Variants in WASF3 observed in about 807,000 individuals in gnomAD.
WASF3 encodes actin-binding protein WASF3.
A neutral mutation model predicts 46.6 loss-of-function variants in WASF3; 11 were observed. The ratio of observed to expected loss-of-function variants is 0.24; its 90% confidence interval spans 0.15 to 0.39. WASF3 has a LOEUF of 0.39. Ranked by LOEUF, WASF3 falls within the 10% of genes least tolerant of loss-of-function variation. WASF3 has a pLI of 1.00. For synonymous variants in WASF3, 242 were observed against 259.7 expected (o/e 0.93, Z 0.65); for missense variants, 576 against 669.8 (o/e 0.86, Z 1.55).
chr13:26,662,346 T>C (rs1882654549), intron 3 of WASF3, among the ~76,000 whole-genome samples: 1 of 152,208 alleles, frequency 6.6e-6, no homozygotes, highest in Non-Finnish European at 1.5e-5. Flanking sequence ...AAAAGACACA[T>C]GCACTTGTAT....
chr13:26,602,008 C>T (rs540857662), intron 1 of WASF3, among the ~76,000 whole-genome samples: 1 of 152,280 alleles, frequency 6.6e-6, no homozygotes, highest in Non-Finnish European at 1.5e-5. Flanking sequence ...TTATTAAATG[C>T]CTCTGCTACC....
At chr13:26,640,748 G>A (rs374374359) in intron 2 of WASF3, 9 of 152,208 alleles carry the variant, frequency 5.9e-5, no homozygotes, top group African/African-American at 1.9e-4. Flanking sequence ...GGGATGCCTA[G>A]GATGTTGGAG....
At chr13:26,539,493 G>A in the WASF3 span, among the ~76,000 whole-genome samples, 57,844 of 151,798 alleles carry the variant, frequency 0.38, 11,292 homozygotes, top group South Asian at 0.48. Context: ...AAGATTTTCC[G>A]TTCCAGTTAA....
intron 2 of WASF3, 36 bp from the exon 3 acceptor site, chr13:26,642,225 A>C: frequency 6.8e-7 from 1 of 1,473,368 alleles, no homozygotes; most frequent in South Asian, 1.5e-5. Context: ...TAAAATGTGA[A>C]TATGAGCTTA....
At chr13:26,674,996 G>C (rs996050510) in intron 6 of WASF3, among the ~76,000 whole-genome samples, 2 of 152,068 alleles carry the variant, frequency 1.3e-5, no homozygotes, top group African/African-American at 4.8e-5. Context: ...CACATCCTCT[G>C]TGGATCCATG....
chr13:26,673,921 G>C (rs1882990135), intron 6 of WASF3, among the ~76,000 whole-genome samples: 1 of 152,142 alleles, frequency 6.6e-6, no homozygotes, highest in Non-Finnish European at 1.5e-5. Flanking sequence ...TTCCAAGGGA[G>C]GGTAGCAGAA....
chr13:26,631,048 A>T (rs1259503207), intron 2 of WASF3, among the ~76,000 whole-genome samples: 2 of 152,052 alleles, frequency 1.3e-5, no homozygotes, highest in African/African-American at 4.8e-5. Context: ...TAGATTCTGG[A>T]TATTAGCCCT....
At chr13:26,666,216 G>A (rs1484497322) in intron 4 of WASF3, among the ~76,000 whole-genome samples, 1 of 152,148 alleles carries the variant, frequency 6.6e-6, no homozygotes, top group Non-Finnish European at 1.5e-5. Context: ...GTCTGTTCAG[G>A]TAAGGAATTC....
chr13:26,557,655 C>G (rs563343520), upstream of WASF3: 15 of 158,876 alleles, frequency 9.4e-5, no homozygotes, highest in African/African-American at 3.4e-4. Context: ...GCCGAGCCCC[C>G]CCGCCGGGAG....
At chr13:26,552,491 A>G in the WASF3 span, among the ~76,000 whole-genome samples, 1 of 152,192 alleles carries the variant, frequency 6.6e-6, no homozygotes, top group African/African-American at 2.4e-5. Context: ...ATTTCACTCT[A>G]TGTCAAGATG....
the WASF3 span, among the ~76,000 whole-genome samples, chr13:26,545,330 A>G: frequency 6.6e-6 from 1 of 151,868 alleles, no homozygotes; most frequent in Non-Finnish European, 1.5e-5. Context: ...TCTTTCATGG[A>G]TTTTCAGAAT....
chr13:26,612,555 C>T (rs943694578), intron 1 of WASF3, among the ~76,000 whole-genome samples: 2 of 152,144 alleles, frequency 1.3e-5, no homozygotes, highest in African/African-American at 2.4e-5. Context: ...TGGGAAAAAT[C>T]GATACAAATG....
intron 3 of WASF3, among the ~76,000 whole-genome samples, chr13:26,652,025 C>T (rs186742099): frequency 6.6e-6 from 1 of 152,126 alleles, no homozygotes; most frequent in East Asian, 1.9e-4. Context: ...AACAGAAGGG[C>T]CAAATGGAAA....
At chr13:26,648,036 C>T (rs1882202113) in intron 3 of WASF3, among the ~76,000 whole-genome samples, 1 of 152,076 alleles carries the variant, frequency 6.6e-6, no homozygotes, top group South Asian at 2.1e-4. Flanking sequence ...AACCATTTTA[C>T]TAATGTTGGA....
chr13:26,609,094 A>G (rs192834592), intron 1 of WASF3, among the ~76,000 whole-genome samples: 3 of 152,332 alleles, frequency 2.0e-5, no homozygotes, highest in South Asian at 2.1e-4. Flanking sequence ...TCCAAATACA[A>G]TCAGATTAGG....
intron 1 of WASF3, among the ~76,000 whole-genome samples, chr13:26,574,190 C>G (rs1213602153): frequency 2.0e-5 from 3 of 152,186 alleles, no homozygotes; most frequent in African/African-American, 7.2e-5. Flanking sequence ...AAGCTATATT[C>G]TCTGTTACCA....
At chr13:26,603,242 G>T (rs1437491294) in intron 1 of WASF3, among the ~76,000 whole-genome samples, 2 of 152,178 alleles carry the variant, frequency 1.3e-5, no homozygotes, top group African/African-American at 4.8e-5. Flanking sequence ...GGTACCTTTT[G>T]TAGGGGTTGG....
chr13:26,558,023 C>T (rs1879154694), intron 1 of WASF3, among the ~76,000 whole-genome samples: 11 of 151,430 alleles, frequency 7.3e-5, no homozygotes, highest in Admixed American at 7.2e-4. Flanking sequence ...CCGCATTCTC[C>T]CGGCCGGCTC....
chr13:26,643,463 A>G (rs1262694545), intron 3 of WASF3, among the ~76,000 whole-genome samples: 1 of 152,200 alleles, frequency 6.6e-6, no homozygotes, highest in Non-Finnish European at 1.5e-5. Context: ...TATAATCATT[A>G]GCTAAGGCAA....
Sources: allele counts gnomAD v4.1 joint callset (sites outside exome capture counted in the v4.1 genomes callset), GRCh38; gene constraint gnomAD v4.1.1; transcripts MANE v1.5; gene names NCBI Gene and HGNC (gene_info 2026-07-23, HGNC 2026-07-21).